ASPH: variants seen among roughly 807,000 people sequenced by gnomAD.
The protein encoded by ASPH is aspartate beta-hydroxylase.
In ASPH, 100 loss-of-function variants were observed where a neutral mutation model predicts 118.4. The observed-to-expected ratio is 0.84, with a 90% confidence interval of 0.72 to 1.00. ASPH has a LOEUF of 1.00. ASPH is among the 50% of genes least tolerant of loss of function. The pLI, the probability that ASPH is intolerant of heterozygous loss-of-function variation, is 0.00. For missense variants in ASPH, 920 were observed against 919.5 expected, an observed-to-expected ratio of 1.00 and a Z score of -0.01; for synonymous variants, 315 against 325.6, an observed-to-expected ratio of 0.97 and a Z score of 0.35.
At position 61,522,401 on chromosome 8, in the gene ASPH, T is replaced by A. The variant is rs533577256; in HGVS notation, c.1900+3576A>T. ...AGGCTTGGTTTCTCCTGAGGCCTCTTTTCTTGGCTCCTAGGTGGCCACCTT... is the reference window on the plus strand; with the variant it reads ...AGGCTTGGTTTCTCCTGAGGCCTCTATTCTTGGCTCCTAGGTGGCCACCTT... On this transcript the variant is annotated intron_variant, in intron 22 of 24. Transcript: ENST00000379454. 2.6e-5 allele frequency among the ~76,000 whole-genome samples: 4 copies of A among 152,066 alleles called. No homozygotes were observed. The East Asian group carries it at 7.8e-4, about 30-fold the overall frequency.
At chr8:61,553,658 A>C (rs1344384059) in intron 19 of ASPH, among the ~76,000 whole-genome samples, 4 of 152,180 alleles carry the variant, frequency 2.6e-5, no homozygotes, top group Non-Finnish European at 5.9e-5. Context: ...AATCTTTAAA[A>C]ATGTAATTTT....
intron 14 of ASPH, among the ~76,000 whole-genome samples, chr8:61,587,410 T>A (rs1183648825): frequency 4.6e-5 from 7 of 152,218 alleles, no homozygotes; most frequent in African/African-American, 9.6e-5. Context: ...GAAGTGTCTA[T>A]CAACAGAATG....
rs1001095894 is a variant in ASPH at position 61,553,092 on chromosome 8, G to A, written c.1565C>T (p.Thr522Ile). The part of the protein sequence containing the change: ...KEGIESGDPG[T>I]DDGRFYFHLG... ...GTGGAAATAAAATCTCCCATCATCA[G>A]TGCCAGGATCTCCGGATTCTATTCC... The change falls in exon 20 of 25, where the codon ACT (threonine) becomes ATT (isoleucine). Residue 522 changes from threonine to isoleucine, a missense_variant. Coordinates refer to ENST00000379454, the MANE Select transcript of ASPH (RefSeq NM_004318.4). The A allele has an allele frequency of 1.2e-6, 2 of 1,613,656 alleles. No homozygotes were observed. Among genetic ancestry groups the A allele is most frequent in the Middle Eastern group, 1.7e-4 (1 of 6,060 alleles).
At chr8:61,579,599 C>A in intron 15 of ASPH, 1 of 1,523,738 alleles carries the variant, frequency 6.6e-7, no homozygotes, top group Non-Finnish European at 9.0e-7. Flanking sequence ...CCTCCAGGGC[C>A]GTGGTTGTGA....
At chr8:61,524,335 G>A (rs1814390250) in intron 22 of ASPH, among the ~76,000 whole-genome samples, 1 of 151,210 alleles carries the variant, frequency 6.6e-6, no homozygotes, top group Non-Finnish European at 1.5e-5. Flanking sequence ...ATTTACTAAG[G>A]AATTCCAATC....
chr8:61,683,675 C>T lies in ASPH; in HGVS notation c.253+364G>A, dbSNP rs552603958. The T allele has an allele frequency of 1.1e-4, 17 of 161,588 alleles. No individual in the cohort carries two copies. The South Asian group carries it at 3.0e-3, about 29-fold the overall frequency. 10.0% of individuals were successfully genotyped at this position (161,588 alleles called of 1,614,324 possible). Reference sequence around the variant, plus strand: ...GTGTGGTTATGATCCATTAGCAAGTCCTTAAATAAATGTAATGGCTCATGA... The same window carrying T: ...GTGTGGTTATGATCCATTAGCAAGTTCTTAAATAAATGTAATGGCTCATGA... On this transcript the variant is annotated intron_variant, in intron 2 of 24. Transcript: ENST00000379454.
intron 13 of ASPH, chr8:61,625,666 A>G: frequency 1.0e-6 from 1 of 984,004 alleles, no homozygotes; most frequent in Non-Finnish European, 1.2e-6. Context: ...TTAATCAGCT[A>G]AAAGCTACAA....
intron 24 of ASPH, among the ~76,000 whole-genome samples, chr8:61,504,808 A>G (rs889447459): frequency 1.3e-5 from 2 of 152,218 alleles, no homozygotes; most frequent in Admixed American, 6.5e-5. Context: ...ATTCCAGTGG[A>G]AAATAACTGA....
At position 61,584,039 on chromosome 8, in the gene ASPH, A is replaced by G; in HGVS notation, c.977-10T>C. 1 of 1,455,106 alleles carries G rather than the reference A, an allele frequency of 6.9e-7. No homozygotes were observed. Among genetic ancestry groups the G allele is most frequent in the Non-Finnish European group, 9.4e-7 (1 of 1,062,044 alleles). The allele number at this position is 1,455,106 out of a possible 1,614,324, so 90.1% of individuals were successfully genotyped here. ...GGCTTCTTTTTCTTAACTGAAAGAA[A>G]AAAGAGATTTTTATTTTTAACGTTT... On this transcript the variant is annotated splice_polypyrimidine_tract_variant and intron_variant, in intron 14 of 24. Transcript: ENST00000379454.
At chr8:61,526,230 G>A (rs1815268953) in intron 21 of ASPH, 118 bp from the exon 22 acceptor site, 1 of 1,320,120 alleles carries the variant, frequency 7.6e-7, no homozygotes. Flanking sequence ...GCCTTATCTA[G>A]ATTGCTTATA....
At chr8:61,682,479 T>C (rs752066135) in intron 2 of ASPH, 2 of 1,612,526 alleles carry the variant, frequency 1.2e-6, no homozygotes, top group South Asian at 2.2e-5. Context: ...AGTCCTTTGC[T>C]TTGGCTGCAT....
rs186036784 is a variant in ASPH, at chr8:61,527,813, T to G, written c.1765-1701A>C. On this transcript the variant is annotated intron_variant, in intron 21 of 24. Coordinates refer to ENST00000379454, the MANE Select transcript of ASPH (RefSeq NM_004318.4). The stretch of plus-strand genomic sequence containing the variant: ...CACCAGTCTCTGGTGGTTAATTGGC[T>G]GGTTCCAGGTGGTTGGTTGGCTTGT... Among the ~76,000 whole-genome samples the G allele has an allele frequency of 3.9e-5, 6 of 152,232 alleles. No homozygotes were observed. The East Asian group carries it at 1.2e-3, about 29-fold the overall frequency.
chr8:61,653,614 C>A lies in ASPH; in HGVS notation c.369G>T (p.Glu123Asp). The change falls in exon 4 of 25, where the codon GAG (glutamate) becomes GAT (aspartate). Residue 123 changes from glutamate to aspartate, a missense_variant. Coordinates refer to ENST00000379454, the MANE Select transcript of ASPH (RefSeq NM_004318.4). ...STSEPAVPPE[E>D]AEPHTEPEEQ... ...CCTCGGGCTCAGTGTGTGGCTCAGCCTCTTCTGGCGGGACTGCTGGCTCTG... is the reference window on the plus strand; with the variant it reads ...CCTCGGGCTCAGTGTGTGGCTCAGCATCTTCTGGCGGGACTGCTGGCTCTG... 6.2e-7 allele frequency: 1 copy of A among 1,613,958 alleles called. No homozygotes were observed. The highest frequency in any genetic ancestry group is 8.5e-7 in the Non-Finnish European group (1 of 1,179,984).
intron 24 of ASPH, among the ~76,000 whole-genome samples, chr8:61,516,193 G>A (rs1304981613): frequency 1.3e-5 from 2 of 152,080 alleles, no homozygotes; most frequent in South Asian, 2.1e-4. Flanking sequence ...TTCAATGTCC[G>A]AATCCTTCTT....
At chr8:61,616,328 C>T (rs1184174311) in intron 14 of ASPH, among the ~76,000 whole-genome samples, 3 of 152,106 alleles carry the variant, frequency 2.0e-5, no homozygotes, top group Non-Finnish European at 2.9e-5. Context: ...AGGTCTGGAG[C>T]ATGAGAGGCA....
chr8:61,635,523 G>A (rs1319238228), intron 12 of ASPH, among the ~76,000 whole-genome samples: 2 of 151,982 alleles, frequency 1.3e-5, no homozygotes, highest in African/African-American at 2.4e-5. Flanking sequence ...TGTCTGATCT[G>A]GGGCGTTTTA....
intron 20 of ASPH, among the ~76,000 whole-genome samples, chr8:61,551,884 T>C (rs1323571225): frequency 2.6e-5 from 4 of 152,224 alleles, no homozygotes; most frequent in South Asian, 2.1e-4. Flanking sequence ...TTAATTCTAA[T>C]ATCTCATTCC....
intron 23 of ASPH, 92 bp downstream of exon 23, chr8:61,517,940 G>T: frequency 1.5e-6 from 2 of 1,335,674 alleles, no homozygotes; most frequent in Non-Finnish European, 2.1e-6. Context: ...GCATTCATTG[G>T]GCCAAAGGAA....
Position 61,522,958 on chromosome 8 carries a change from T to C in ASPH, c.1900+3019A>G, listed in dbSNP as rs146394650. 6.6e-3 allele frequency among the ~76,000 whole-genome samples: 998 copies of C among 152,234 alleles called. 2 individuals are homozygous for C. The highest frequency in any genetic ancestry group is 0.01 in the Non-Finnish European group (707 of 68,028). On this transcript the variant is annotated intron_variant, in intron 22 of 24. Transcript: ENST00000379454. ...CACACTGGGGGTTAGGGCTTCAACA[T>C]ATGAATTTTGCGGGGTACACAGTTC...
Sources: gnomAD v4.1 joint callset for allele counts (sites outside exome capture counted in the v4.1 genomes callset) on GRCh38, gnomAD v4.1.1 for gene constraint, MANE v1.5 for transcripts, NCBI Gene and HGNC (gene_info 2026-07-23, HGNC 2026-07-21) for gene names.